PLXDC2: variants seen among roughly 807,000 people sequenced by gnomAD.
PLXDC2 encodes plexin domain-containing protein 2.
A neutral mutation model predicts 68.9 loss-of-function variants in PLXDC2; 40 were observed. That is an observed-to-expected ratio of 0.58 (90% CI 0.45 to 0.76). The LOEUF (loss-of-function observed/expected upper bound fraction) is 0.76, where lower values mean the gene tolerates loss of function less well. PLXDC2 is among the 30% of genes least tolerant of loss of function. The pLI, the probability that PLXDC2 is intolerant of heterozygous loss-of-function variation, is 0.00. For missense variants in PLXDC2, 644 were observed against 661.9 expected (o/e 0.97, Z 0.30); for synonymous variants, 243 against 234.2 (o/e 1.04, Z -0.34).
At chr10:20,195,754 A>G (rs1353586099) in intron 9 of PLXDC2, among the ~76,000 whole-genome samples, 2 of 152,050 alleles carry the variant, frequency 1.3e-5, no homozygotes, top group Non-Finnish European at 2.9e-5. Context: ...CCACAGTCCA[A>G]ATTTGCTATC....
chr10:20,087,173 C>T (rs1212519405), intron 4 of PLXDC2, among the ~76,000 whole-genome samples: 2 of 152,126 alleles, frequency 1.3e-5, no homozygotes, highest in Non-Finnish European at 2.9e-5. Context: ...GTCAAAACTG[C>T]TTTGCTTTGT....
intron 1 of PLXDC2, among the ~76,000 whole-genome samples, chr10:19,882,289 A>G (rs1288347370): frequency 6.6e-6 from 1 of 152,250 alleles, no homozygotes; most frequent in African/African-American, 2.4e-5. Flanking sequence ...ATGCATTATT[A>G]TCCATTATTC....
chr10:19,899,957 A>G (rs1161871094), intron 1 of PLXDC2, among the ~76,000 whole-genome samples: 1 of 152,178 alleles, frequency 6.6e-6, no homozygotes, highest in Non-Finnish European at 1.5e-5. Flanking sequence ...TGGTTAGAGA[A>G]TTATTATGTT....
At chr10:20,099,286 T>C (rs2131737586) in intron 4 of PLXDC2, among the ~76,000 whole-genome samples, 1 of 152,274 alleles carries the variant, frequency 6.6e-6, no homozygotes. Context: ...TGTAGTATAT[T>C]CTTCCAGCCA....
At chr10:20,153,899 C>G (rs1834182395) in intron 6 of PLXDC2, among the ~76,000 whole-genome samples, 1 of 152,160 alleles carries the variant, frequency 6.6e-6, no homozygotes, top group Admixed American at 6.5e-5. Context: ...ATATCCTTGA[C>G]AGTCTTCCTT....
At chr10:19,944,935 A>G (rs999378319) in intron 1 of PLXDC2, among the ~76,000 whole-genome samples, 2 of 152,206 alleles carry the variant, frequency 1.3e-5, no homozygotes, top group Non-Finnish European at 1.5e-5. Context: ...CGGGGCAACA[A>G]GAGCGAAACT....
chr10:20,237,850 C>T (rs1017671303), intron 12 of PLXDC2, among the ~76,000 whole-genome samples: 1 of 152,130 alleles, frequency 6.6e-6, no homozygotes, highest in African/African-American at 2.4e-5. Context: ...TTATGGGCTG[C>T]AGTGTTTCAT....
At chr10:19,869,707 A>G (rs1401159893) in intron 1 of PLXDC2, among the ~76,000 whole-genome samples, 2 of 151,672 alleles carry the variant, frequency 1.3e-5, no homozygotes, top group Admixed American at 1.3e-4. Flanking sequence ...AATTATCTGA[A>G]GTGTTTTATT....
At chr10:20,033,514 G>A (rs1206843137) in intron 2 of PLXDC2, among the ~76,000 whole-genome samples, 1 of 152,144 alleles carries the variant, frequency 6.6e-6, no homozygotes, top group Non-Finnish European at 1.5e-5. Flanking sequence ...AATTCATAAA[G>A]GAAAGAGTTC....
intron 3 of PLXDC2, among the ~76,000 whole-genome samples, chr10:20,066,373 T>A (rs1403331065): frequency 6.6e-6 from 1 of 152,240 alleles, no homozygotes; most frequent in Non-Finnish European, 1.5e-5. Context: ...TAGGGTTCAT[T>A]AGAGATACAT....
chr10:20,249,099 A>T (rs2119342552), intron 13 of PLXDC2, among the ~76,000 whole-genome samples: 1 of 152,354 alleles, frequency 6.6e-6, no homozygotes, highest in South Asian at 2.1e-4. Flanking sequence ...ACTGTAATAC[A>T]AATAGGTATT....
intron 13 of PLXDC2, among the ~76,000 whole-genome samples, chr10:20,258,012 T>G (rs1246290531): frequency 6.9e-6 from 1 of 144,854 alleles, no homozygotes; most frequent in Non-Finnish European, 1.5e-5. Context: ...TTTTTTTTTT[T>G]TTTTTTTGAG....
intron 1 of PLXDC2, among the ~76,000 whole-genome samples, chr10:19,921,076 C>T (rs1833454386): frequency 6.6e-6 from 1 of 151,470 alleles, no homozygotes; most frequent in Non-Finnish European, 1.5e-5. Context: ...TATAGGTGTG[C>T]ACCACCATGT....
intron 1 of PLXDC2, among the ~76,000 whole-genome samples, chr10:19,887,528 A>G (rs1837870398): frequency 6.6e-6 from 1 of 152,172 alleles, no homozygotes; most frequent in African/African-American, 2.4e-5. Flanking sequence ...TCTCAAAAAC[A>G]AAAACAAAAC....
intron 1 of PLXDC2, among the ~76,000 whole-genome samples, chr10:19,891,883 G>C (rs529862572): frequency 6.6e-6 from 1 of 152,144 alleles, no homozygotes; most frequent in Non-Finnish European, 1.5e-5. Flanking sequence ...TTGGATTTTT[G>C]TTTTTACAGA....
intron 1 of PLXDC2, among the ~76,000 whole-genome samples, chr10:19,906,915 A>G (rs1465096735): frequency 6.6e-6 from 1 of 152,150 alleles, no homozygotes; most frequent in African/African-American, 2.4e-5. Flanking sequence ...CCTATGTTTG[A>G]CAGTGAACAG....
rs80353042 is a variant in PLXDC2 at position 20,183,632 on chromosome 10, G to A, written c.1061+6223G>A. On this transcript the variant is annotated intron_variant, in intron 9 of 13. Transcript: ENST00000377252. ...ATAAGCTCTTCTAAGGAGTAGAAAC[G>A]CACTTTTACTCATTTTAGCATCTTC... Among the ~76,000 whole-genome samples, 1,299 of 152,006 alleles carry A rather than the reference G, an allele frequency of 8.5e-3. 18 individuals are homozygous for A. The highest frequency in any genetic ancestry group is 0.027 in the African/African-American group (1,102 of 41,500).
chr10:19,820,471 A>G lies in PLXDC2; in HGVS notation c.112+3280A>G, dbSNP rs904374924. 2.6e-5 allele frequency among the ~76,000 whole-genome samples: 4 copies of G among 151,582 alleles called. No homozygotes were observed. The East Asian group carries it at 7.9e-4, about 30-fold the overall frequency. On this transcript the variant is annotated intron_variant, in intron 1 of 13. Transcript: ENST00000377252. ...AAGGTGAGACCCCGTCTCTACTAAA[A>G]ATACAAAAAAAAATTAGCCGGGCGC... is the stretch of plus-strand genomic sequence containing the variant.
intron 12 of PLXDC2, among the ~76,000 whole-genome samples, chr10:20,232,005 C>CAA (rs56360100): frequency 1.0e-3 from 145 of 144,852 alleles, no homozygotes; most frequent in Admixed American, 1.5e-3. Flanking sequence ...GACCCTATCT[C>CAA]AAAAAAAAAA....
Sources: allele counts gnomAD v4.1 joint callset (sites outside exome capture counted in the v4.1 genomes callset), GRCh38; gene constraint gnomAD v4.1.1; transcripts MANE v1.5; gene names NCBI Gene and HGNC (gene_info 2026-07-23, HGNC 2026-07-21).